Variants in DISC1 observed in about 807,000 individuals in gnomAD.
The protein encoded by DISC1 is disrupted in schizophrenia 1 protein.
A neutral mutation model predicts 84.5 loss-of-function variants in DISC1; 57 were observed. The ratio of observed to expected loss-of-function variants is 0.67; its 90% CI spans 0.55 to 0.84. The LOEUF (loss-of-function observed/expected upper bound fraction) is 0.84. Among genes scored for constraint, DISC1 ranks in the 40% least tolerant of loss-of-function variants. The pLI is 0.00. For missense variants in DISC1, 1,000 were observed against 1,057.8 expected, an observed-to-expected ratio of 0.95 and a Z score of 0.76; for synonymous variants, 411 against 415.2, an observed-to-expected ratio of 0.99 and a Z score of 0.12.
chr1:231,912,801 CTTTCTTTT>C (rs889654116), intron 9 of DISC1, among the ~76,000 whole-genome samples: 76 of 114,742 alleles, frequency 6.6e-4, no homozygotes, highest in Admixed American at 3.8e-3. Flanking sequence ...TTCTTTCTTT[CTTTCTTTT>C]TCTTTCCTTG....
At chr1:232,035,243 G>T (rs1170713900) in intron 12 of DISC1, among the ~76,000 whole-genome samples, 1 of 152,072 alleles carries the variant, frequency 6.6e-6, no homozygotes, top group Non-Finnish European at 1.5e-5. Context: ...TGAGGTCAGG[G>T]GTTCAAGACC....
intron 9 of DISC1, among the ~76,000 whole-genome samples, chr1:231,958,080 G>T (rs938552229): frequency 2.6e-5 from 4 of 152,196 alleles, no homozygotes. Flanking sequence ...GAAACCCCTT[G>T]GCTGCAGGTG....
chr1:231,986,654 T>C (rs929549121), intron 10 of DISC1, among the ~76,000 whole-genome samples: 1 of 152,208 alleles, frequency 6.6e-6, no homozygotes, highest in African/African-American at 2.4e-5. Flanking sequence ...ATGAGTTTCC[T>C]AAATCTGACA....
At chr1:231,722,635 A>G (rs1214998035) in intron 3 of DISC1, 5 of 1,614,054 alleles carry the variant, frequency 3.1e-6, no homozygotes, top group Non-Finnish European at 4.2e-6. Flanking sequence ...AGCAAGACAA[A>G]TAGATATCCA....
At chr1:231,974,397 A>G (rs1249909922) in intron 10 of DISC1, among the ~76,000 whole-genome samples, 1 of 152,196 alleles carries the variant, frequency 6.6e-6, no homozygotes, top group African/African-American at 2.4e-5. Flanking sequence ...TTTTTTCTTA[A>G]GTCAGGAAAA....
chr1:231,877,593 C>G (rs1250094357), intron 9 of DISC1, among the ~76,000 whole-genome samples: 1 of 152,194 alleles, frequency 6.6e-6, no homozygotes, highest in African/African-American at 2.4e-5. Flanking sequence ...CAACGCAATA[C>G]TTGAATACCA....
intron 9 of DISC1, among the ~76,000 whole-genome samples, chr1:231,879,485 T>C (rs534242400): frequency 1.3e-5 from 2 of 152,064 alleles, no homozygotes; most frequent in East Asian, 3.9e-4. Context: ...ATCTGTGCTT[T>C]TCAAAGACCA....
intron 9 of DISC1, among the ~76,000 whole-genome samples, chr1:231,869,836 A>G (rs932119215): frequency 6.6e-6 from 1 of 152,058 alleles, no homozygotes; most frequent in Non-Finnish European, 1.5e-5. Flanking sequence ...CTTGAGATGA[A>G]ATTGTTTGGG....
At position 232,036,983 on chromosome 1, in the gene DISC1, C is replaced by A; in HGVS notation, c.*152C>A. 1 of 815,896 alleles carries A rather than the reference C, an allele frequency of 1.2e-6. No homozygotes were observed. The highest frequency in any genetic ancestry group is 1.7e-6 in the Non-Finnish European group (1 of 574,982). 50.5% of individuals were successfully genotyped at this position (815,896 alleles called of 1,614,324 possible). On this transcript the variant is annotated 3_prime_UTR_variant, in exon 13 of 13. Coordinates refer to ENST00000439617, the MANE Select transcript of DISC1 (RefSeq NM_018662.3). ...TGGAAAGGTGGTTCATGTTCATTCT[C>A]ATCAGTGTGAAACTGAGGAGTCTGC...
intron 1 of DISC1, among the ~76,000 whole-genome samples, chr1:231,639,265 C>T (rs2059435678): frequency 6.6e-6 from 1 of 152,236 alleles, no homozygotes; most frequent in Non-Finnish European, 1.5e-5. Flanking sequence ...TCCATCTACA[C>T]ATTTCGTGAG....
intron 9 of DISC1, among the ~76,000 whole-genome samples, chr1:231,840,730 C>T (rs192295096): frequency 1.7e-4 from 26 of 150,934 alleles, no homozygotes; most frequent in African/African-American, 4.1e-4. Context: ...TTTTTTGAGA[C>T]GGAGTCTCGC....
At chr1:231,793,826 G>T (rs980699166) in intron 6 of DISC1, among the ~76,000 whole-genome samples, 2 of 152,030 alleles carry the variant, frequency 1.3e-5, no homozygotes, top group Non-Finnish European at 2.9e-5. Context: ...TATTTTAATT[G>T]TAAATATTTC....
intron 9 of DISC1, among the ~76,000 whole-genome samples, chr1:231,863,244 T>G (rs1471774268): frequency 7.3e-6 from 1 of 136,562 alleles, no homozygotes; most frequent in Non-Finnish European, 1.6e-5. Flanking sequence ...TTTTTTTTTT[T>G]TTTTTTTTGA....
In DISC1 at chr1:231,868,078, C is replaced by T. The variant is rs1211177753; in HGVS notation, c.1981+49561C>T. On this transcript the variant is annotated intron_variant, in intron 9 of 12. Transcript: ENST00000439617. The stretch of plus-strand genomic sequence containing the variant: ...AAGAAAAAACAAAACCTCAAGGACA[C>T]TCCCACTCAGAGGCATAAAAAAATA... 2.6e-5 allele frequency among the ~76,000 whole-genome samples: 4 copies of T among 152,352 alleles called. No homozygotes were observed. The East Asian group carries it at 7.7e-4, about 29-fold the overall frequency.
chr1:231,854,039 G>A (rs1255486502), intron 9 of DISC1, among the ~76,000 whole-genome samples: 1 of 152,220 alleles, frequency 6.6e-6, no homozygotes, highest in Non-Finnish European at 1.5e-5. Flanking sequence ...CCTGGGTGGG[G>A]TGGTCAGTCT....
intron 9 of DISC1, among the ~76,000 whole-genome samples, chr1:231,847,084 A>G (rs1375473976): frequency 4.6e-5 from 7 of 152,178 alleles, no homozygotes; most frequent in Non-Finnish European, 7.3e-5. Context: ...TGGCTTGGAC[A>G]ACAGATGTTT....
chr1:231,813,551 G>A (rs985568457), intron 8 of DISC1, among the ~76,000 whole-genome samples: 3 of 152,140 alleles, frequency 2.0e-5, no homozygotes, highest in East Asian at 1.9e-4. Context: ...GGAAATTACC[G>A]ATCCGGGAAA....
intron 11 of DISC1, among the ~76,000 whole-genome samples, chr1:232,022,090 A>C (rs903693594): frequency 1.3e-5 from 2 of 152,234 alleles, no homozygotes; most frequent in Non-Finnish European, 1.5e-5. Flanking sequence ...CATACATTGA[A>C]GGAATTTCAA....
In DISC1 at chr1:231,826,973, G is replaced by T. The variant is rs2081899258; in HGVS notation, c.1981+8456G>T. Among the ~76,000 whole-genome samples, 1 of 152,034 alleles carries T rather than the reference G, an allele frequency of 6.6e-6. No individual in the cohort carries two copies. The highest frequency in any genetic ancestry group is 2.1e-4 in the South Asian group (1 of 4,828). On this transcript the variant is annotated intron_variant, in intron 9 of 12. Coordinates refer to ENST00000439617, the MANE Select transcript of DISC1 (RefSeq NM_018662.3). This position sits in a 1 kb window ranked among gnomAD's most constrained non-coding sequence, Gnocchi z 4.2. ...TCTAGGCTTCTTTTGAGTGAGTTTT[G>T]AACTTTAGTTAAATAAAACAACTTT...
Sources: allele counts gnomAD v4.1 joint callset (sites outside exome capture counted in the v4.1 genomes callset), GRCh38; gene constraint gnomAD v4.1.1; non-coding constraint Gnocchi (gnomAD v3.1); transcripts MANE v1.5; gene names NCBI Gene and HGNC (gene_info 2026-07-23, HGNC 2026-07-21).